Variants in GPC6 observed in about 807,000 individuals in gnomAD.
GPC6 encodes glypican 6.
A neutral mutation model predicts 55.2 loss-of-function variants in GPC6; 14 were observed. The observed-to-expected ratio is 0.25, with a 90% CI of 0.17 to 0.40. GPC6 has a LOEUF of 0.40. Among genes scored for constraint, GPC6 ranks in the 10% least tolerant of loss-of-function variants. The pLI is 1.00. For missense variants in GPC6, 641 were observed against 708.5 expected (o/e 0.90, Z 1.08); for synonymous variants, 278 against 259.6 (o/e 1.07, Z -0.68).
At chr13:93,352,625 TG>T in intron 1 of GPC6, among the ~76,000 whole-genome samples, 1 of 152,102 alleles carries the variant, frequency 6.6e-6, no homozygotes, top group African/African-American at 2.4e-5. Context: ...AAAAACACCA[TG>T]GGGATCAATT....
chr13:93,587,256 A>G (rs999947387), intron 2 of GPC6, among the ~76,000 whole-genome samples: 5 of 152,170 alleles, frequency 3.3e-5, no homozygotes, highest in African/African-American at 1.2e-4. Flanking sequence ...GAGACATAAT[A>G]TTACTTATTA....
chr13:93,783,518 C>T (rs976408021), intron 2 of GPC6, among the ~76,000 whole-genome samples: 2 of 152,120 alleles, frequency 1.3e-5, no homozygotes, highest in African/African-American at 2.4e-5. Flanking sequence ...TTAATAATCG[C>T]CATTCTGACT....
At chr13:93,752,673 G>A (rs1884638911) in intron 2 of GPC6, among the ~76,000 whole-genome samples, 1 of 152,096 alleles carries the variant, frequency 6.6e-6, no homozygotes, top group South Asian at 2.1e-4. Context: ...CAGCGTGGGT[G>A]AGGAGTTCCA....
intron 1 of GPC6, among the ~76,000 whole-genome samples, chr13:93,414,411 G>A (rs1876618079): frequency 6.6e-6 from 1 of 152,070 alleles, no homozygotes; most frequent in East Asian, 1.9e-4. Flanking sequence ...CATTGTAAAT[G>A]TTTGTTTTGC....
intron 6 of GPC6, among the ~76,000 whole-genome samples, chr13:94,333,755 C>T (rs986881119): frequency 6.6e-6 from 1 of 152,170 alleles, no homozygotes; most frequent in African/African-American, 2.4e-5. Context: ...GATTCAAGTT[C>T]GGATCCTCTG....
chr13:94,133,682 G>A (rs61962314), intron 4 of GPC6, among the ~76,000 whole-genome samples: 26,518 of 151,452 alleles, frequency 0.18, 2,730 homozygotes, highest in Non-Finnish European at 0.23. Context: ...ATGAGAAAGT[G>A]AATTTAGTAT....
chr13:94,403,350 A>T lies in GPC6; in HGVS notation c.*133A>T. 1.4e-6 allele frequency: 1 copy of T among 729,026 alleles called. No homozygotes were observed. Among genetic ancestry groups the T allele is most frequent in the African/African-American group, 1.7e-5 (1 of 57,838 alleles). 45.2% of individuals were successfully genotyped at this position (729,026 alleles called of 1,614,324 possible). On this transcript the variant is annotated 3_prime_UTR_variant, in exon 9 of 9. Coordinates refer to ENST00000377047, the MANE Select transcript of GPC6 (RefSeq NM_005708.5). ...TTCTATGAGAAGAGAGCAGTAATGC[A>T]ATCTGCCTCCCTTTTTGTTTTCCCA...
intron 2 of GPC6, among the ~76,000 whole-genome samples, chr13:93,760,972 C>T (rs1884934840): frequency 6.6e-6 from 1 of 152,174 alleles, no homozygotes; most frequent in Non-Finnish European, 1.5e-5. Context: ...AGTATGATTT[C>T]TTTCATGTCC....
At chr13:94,141,852 C>CCAAA (rs1323827483) in intron 4 of GPC6, among the ~76,000 whole-genome samples, 3 of 152,086 alleles carry the variant, frequency 2.0e-5, no homozygotes, top group Admixed American at 6.6e-5. Context: ...AGGGGAAGAA[C>CCAAA]CAAACACTCT....
At chr13:94,367,909 G>A (rs1005691733) in intron 6 of GPC6, among the ~76,000 whole-genome samples, 1 of 151,984 alleles carries the variant, frequency 6.6e-6, no homozygotes, top group African/African-American at 2.4e-5. Flanking sequence ...CCAGCACTTT[G>A]GGAGGCTGAG....
intron 3 of GPC6, among the ~76,000 whole-genome samples, chr13:93,840,422 G>A (rs1887908537): frequency 6.6e-6 from 1 of 152,064 alleles, no homozygotes; most frequent in African/African-American, 2.4e-5. Context: ...AACAGGTTGT[G>A]ATATATTGGG....
At chr13:93,558,240 T>C (rs1312178744) in intron 2 of GPC6, among the ~76,000 whole-genome samples, 1 of 152,206 alleles carries the variant, frequency 6.6e-6, no homozygotes, top group African/African-American at 2.4e-5. Context: ...AAGAGTGCGC[T>C]TGTAATATAT....
chr13:93,599,028 A>G (rs1249917824), intron 2 of GPC6, among the ~76,000 whole-genome samples: 1 of 152,184 alleles, frequency 6.6e-6, no homozygotes, highest in Non-Finnish European at 1.5e-5. Context: ...GAAATTTTCA[A>G]AAATCTTGAA....
Position 93,318,244 on chromosome 13 carries a change from G to C in GPC6, c.160+90628G>C, listed in dbSNP as rs1261257992. On this transcript the variant is annotated intron_variant, in intron 1 of 8. Coordinates refer to ENST00000377047, the MANE Select transcript of GPC6 (RefSeq NM_005708.5). ...TAGGAAGCATTCTAGTTTGTTGAAT[G>C]GTTCATAAATATGTGACAGTTTTTT... Among the ~76,000 whole-genome samples, 3 of 151,918 alleles carry C rather than the reference G, an allele frequency of 2.0e-5. No individual in the cohort carries two copies. In the East Asian group the frequency reaches 5.8e-4, roughly 29 times the overall value.
At chr13:94,249,850 G>T (rs1891298284) in intron 4 of GPC6, among the ~76,000 whole-genome samples, 1 of 152,158 alleles carries the variant, frequency 6.6e-6, no homozygotes, top group African/African-American at 2.4e-5. Context: ...GCACAGATAG[G>T]AGGTAAGTTG....
chr13:93,339,448 T>C (rs1880161234), intron 1 of GPC6, among the ~76,000 whole-genome samples: 1 of 151,492 alleles, frequency 6.6e-6, no homozygotes, highest in Non-Finnish European at 1.5e-5. Context: ...CCTGAGTATC[T>C]CAGAAGCTCC....
intron 4 of GPC6, among the ~76,000 whole-genome samples, chr13:94,074,847 G>A (rs573559195): frequency 1.6e-4 from 25 of 152,098 alleles, no homozygotes; most frequent in African/African-American, 6.0e-4. Context: ...ATGTTGATTA[G>A]ATCACAGTGA....
At chr13:93,549,142 T>C (rs974820176) in intron 2 of GPC6, among the ~76,000 whole-genome samples, 1 of 152,122 alleles carries the variant, frequency 6.6e-6, no homozygotes, top group African/African-American at 2.4e-5. Context: ...AGGATTAAAA[T>C]TTTGGATGGA....
At chr13:93,650,370 T>A (rs1028106956) in intron 2 of GPC6, among the ~76,000 whole-genome samples, 9 of 152,162 alleles carry the variant, frequency 5.9e-5, no homozygotes, top group Non-Finnish European at 1.2e-4. Flanking sequence ...TTAGGCTTCT[T>A]ACACAATGCT....
Sources: allele counts gnomAD v4.1 joint callset (sites outside exome capture counted in the v4.1 genomes callset), GRCh38; gene constraint gnomAD v4.1.1; transcripts MANE v1.5; gene names NCBI Gene and HGNC (gene_info 2026-07-23, HGNC 2026-07-21).